The following ZSCAN10 variants were observed in gnomAD, a reference collection of about 807,000 sequenced individuals.
ZSCAN10 encodes the protein zinc finger and SCAN domain containing 10, also known as zinc finger and SCAN domain-containing protein 10.
ZSCAN10 carries 52 observed loss-of-function variants against 63.7 expected under a neutral mutation model. The ratio of observed to expected loss-of-function variants is 0.82; its 90% confidence interval spans 0.65 to 1.03. ZSCAN10 has a LOEUF of 1.03. Ranked by LOEUF, ZSCAN10 falls within the 50% of genes least tolerant of loss-of-function variation. The pLI, the probability that ZSCAN10 is intolerant of heterozygous loss-of-function variation, is 0.00. For missense variants in ZSCAN10, 1,223 were observed against 1,103.8 expected, an observed-to-expected ratio of 1.11 and a Z score of -1.53; for synonymous variants, 544 against 479.6, an observed-to-expected ratio of 1.13 and a Z score of -1.76.
intron 1 of ZSCAN10, among the ~76,000 whole-genome samples, chr16:3,094,253 A>C (rs920067218): frequency 6.6e-6 from 1 of 152,148 alleles, no homozygotes; most frequent in Non-Finnish European, 1.5e-5. Flanking sequence ...GGCTCAAGTG[A>C]TCCACCTGCC....
In ZSCAN10 at chr16:3,092,568, G is replaced by A. The variant is rs543656828; in HGVS notation, c.370C>T (p.Arg124Trp). The stretch of plus-strand genomic sequence containing the variant: ...AGCGGCCCCGCGTGGCTGGGCTCCC[G>A]GTGGATGCCCTCGAGCAGCAGCACC... ...EVVLLLEGIH[R>W]EPSHAGPLDF... The change falls in exon 2 of 6, where the codon CGG (arginine) becomes TGG (tryptophan). Residue 124 changes from arginine (R) to tryptophan (W), a missense_variant. Arg to Trp is a moderately radical substitution (Grantham distance 101, BLOSUM62 -3). Coordinates refer to ENST00000576985, the MANE Select transcript of ZSCAN10 (RefSeq NM_032805.3). 11 of 1,559,684 alleles carry A rather than the reference G, an allele frequency of 7.1e-6. No individual in the cohort carries two copies. Among genetic ancestry groups the A allele is most frequent in the Admixed American group, 5.7e-5 (3 of 52,208 alleles).
rs376077960 is a variant in ZSCAN10, at chr16:3,098,206, A to G, written c.-68+984T>C. Among the ~76,000 whole-genome samples, 3 of 152,150 alleles carry G rather than the reference A, an allele frequency of 2.0e-5. No individual in the cohort carries two copies. The East Asian group carries it at 5.8e-4, about 29-fold the overall frequency. Reference sequence around the variant, plus strand: ...TGCTCATCCATTGCCGTGCAGGAGCAGCGGGCAGGTACTGAGTGTCTGGCG... The same window carrying G: ...TGCTCATCCATTGCCGTGCAGGAGCGGCGGGCAGGTACTGAGTGTCTGGCG... On this transcript the variant is annotated intron_variant, in intron 1 of 5. Coordinates refer to ENST00000576985, the MANE Select transcript of ZSCAN10 (RefSeq NM_032805.3).
In ZSCAN10 at chr16:3,089,715, C is replaced by T. The variant is rs747884734; in HGVS notation, c.1719G>A (p.Thr573=). The part of the protein sequence containing the change: ...SQLVSHQRVH[T]GEKPYACPQC... ...GCGGACAGGCGTAGGGCTTCTCGCC[C>T]GTGTGCACCCGTTGGTGGCTGACCA... The change falls in exon 6 of 6, where the codon ACG becomes ACA. Residue 573 remains threonine, a synonymous_variant. Transcript: ENST00000576985. 26 of 1,603,874 alleles carry T rather than the reference C, an allele frequency of 1.6e-5. No homozygotes were observed. Among genetic ancestry groups the T allele is most frequent in the Non-Finnish European group, 2.0e-5 (24 of 1,178,828 alleles).
Position 3,092,783 on chromosome 16 carries a change from T to C in ZSCAN10, c.155A>G (p.Tyr52Cys), listed in dbSNP as rs1470448581. The change falls in exon 2 of 6, where the codon TAT becomes TGT. Residue 52 changes from tyrosine to cysteine, a missense_variant. Tyr to Cys is a radical substitution (Grantham distance 194, BLOSUM62 -2). Transcript: ENST00000576985. ...VAHQLFRCFQ[Y>C]QEDMGPRASL... ...CGCCCGTGGCCCCATGTCCTCCTGA[T>C]ACTGGAAGCATCTGAACAGCTGGTG... The C allele has an allele frequency of 1.9e-6, 3 of 1,593,684 alleles. No individual in the cohort carries two copies. The highest frequency in any genetic ancestry group is 2.3e-5 in the East Asian group (1 of 44,164).
At position 3,088,987 on chromosome 16, in the gene ZSCAN10, G is replaced by A; in HGVS notation, c.*104C>T. Reference sequence around the variant, plus strand: ...GGAAGGACAGCTGTGAAAGTGGAAGGAGAGGGAAGTGGGGTGTGGTGGGAA... The same window carrying A: ...GGAAGGACAGCTGTGAAAGTGGAAGAAGAGGGAAGTGGGGTGTGGTGGGAA... On this transcript the variant is annotated 3_prime_UTR_variant, in exon 6 of 6. Transcript: ENST00000576985. 1.4e-6 allele frequency: 2 copies of A among 1,381,114 alleles called. No homozygotes were observed. The highest frequency in any genetic ancestry group is 1.9e-6 in the Non-Finnish European group (2 of 1,074,874). The allele number at this position is 1,381,114 out of a possible 1,614,324, so 85.6% of individuals were successfully genotyped here.
chr16:3,096,406 T>G (rs1957154029), intron 1 of ZSCAN10: 1 of 152,264 alleles, frequency 6.6e-6, no homozygotes, highest in Admixed American at 6.6e-5. Flanking sequence ...GCACCCCAGG[T>G]AGGGGGATGT....
At chr16:3,096,554 C>T (rs927600605) in intron 1 of ZSCAN10, 9 of 152,214 alleles carry the variant, frequency 5.9e-5, no homozygotes, top group African/African-American at 1.7e-4. Flanking sequence ...CACCAAGCAC[C>T]GCAGCAAACA....
chr16:3,093,008 C>G lies in ZSCAN10; in HGVS notation c.-67-4G>C. Reference sequence around the variant, plus strand: ...TCTCTCTCCTCTCCTCCCACACCTGCGAAGGTGAACACCCTGGGTTAGGAT... The same window carrying G: ...TCTCTCTCCTCTCCTCCCACACCTGGGAAGGTGAACACCCTGGGTTAGGAT... On this transcript the variant is annotated splice_polypyrimidine_tract_variant and splice_region_variant and intron_variant, in intron 1 of 5. Coordinates refer to ENST00000576985, the MANE Select transcript of ZSCAN10 (RefSeq NM_032805.3). The G allele has an allele frequency of 7.3e-7, 1 of 1,371,862 alleles. No individual in the cohort carries two copies. Among genetic ancestry groups the G allele is most frequent in the Non-Finnish European group, 9.4e-7 (1 of 1,065,940 alleles). The allele number at this position is 1,371,862 out of a possible 1,614,324, so 85.0% of individuals were successfully genotyped here. A position where few individuals can be genotyped will look rare whatever the true frequency, so the allele number is the denominator to read the frequency against.
intron 1 of ZSCAN10, among the ~76,000 whole-genome samples, chr16:3,093,927 C>T (rs2151217401): frequency 6.6e-6 from 1 of 152,242 alleles, no homozygotes. Flanking sequence ...CTCAAGTGAT[C>T]AGCCCACCTC....
In ZSCAN10 at chr16:3,096,786, G is replaced by A. The variant is rs143229964; in HGVS notation, c.-68+2404C>T. Among the ~76,000 whole-genome samples the A allele has an allele frequency of 3.7e-3, 562 of 152,132 alleles. 3 individuals are homozygous for A. Among genetic ancestry groups the A allele is most frequent in the African/African-American group, 0.012 (505 of 41,470 alleles). The stretch of plus-strand genomic sequence containing the variant: ...TCTACTAAAATTACAAAAATTAGCC[G>A]GACGTGATGGCATGCGCCTGTAGTC... On this transcript the variant is annotated intron_variant, in intron 1 of 5. Coordinates refer to ENST00000576985, the MANE Select transcript of ZSCAN10 (RefSeq NM_032805.3).
At chr16:3,091,260 CATGAT>C in intron 5 of ZSCAN10, among the ~76,000 whole-genome samples, 2 of 151,596 alleles carry the variant, frequency 1.3e-5, no homozygotes, top group African/African-American at 4.9e-5. Context: ...TGCAGTGAGC[CATGAT>C]TGTGCCACAG....
At chr16:3,090,796 T>C in intron 5 of ZSCAN10, 150 bp from the exon 6 acceptor site, 1 of 968,918 alleles carries the variant, frequency 1.0e-6, no homozygotes, top group Non-Finnish European at 1.4e-6. Flanking sequence ...ACGCCTGTAA[T>C]TTCAGCACTT....
rs761990867 is a variant in ZSCAN10, at chr16:3,090,483, A to G, written c.951T>C (p.Pro317=). 6.2e-6 allele frequency: 10 copies of G among 1,613,454 alleles called. No individual in the cohort carries two copies. The South Asian group carries it at 1.1e-4, about 18-fold the overall frequency. The part of the protein sequence containing the change: ...SLGRGAAASG[P]GEDGSLLGSS... ...TGCCAAGAAGGGACCCATCTTCACC[A>G]GGGCCGCTAGCCGCAGCGCCCCGTC... The change falls in exon 6 of 6, where the codon CCT becomes CCC. Residue 317 remains proline (P), a synonymous_variant. Coordinates refer to ENST00000576985, the MANE Select transcript of ZSCAN10 (RefSeq NM_032805.3).
At chr16:3,094,480 G>C (rs1957129987) in intron 1 of ZSCAN10, among the ~76,000 whole-genome samples, 1 of 152,064 alleles carries the variant, frequency 6.6e-6, no homozygotes, top group South Asian at 2.1e-4. Context: ...TGAGTAGCTG[G>C]GATTACAAGC....
rs530432636 is a variant in ZSCAN10 at position 3,092,747 on chromosome 16, C to T, written c.191G>A (p.Arg64Gln). 2.0e-5 allele frequency: 33 copies of T among 1,611,618 alleles called. No homozygotes were observed. The highest frequency in any genetic ancestry group is 4.5e-5 in the East Asian group (2 of 44,774). Reference sequence around the variant, plus strand: ...CCAGTGGCCGCAGAGCTCCCGGAGCCGGCTCAGGGACGCCCGTGGCCCCAT... The same window carrying T: ...CCAGTGGCCGCAGAGCTCCCGGAGCTGGCTCAGGGACGCCCGTGGCCCCAT... ...EDMGPRASLS[R>Q]LRELCGHWLR... Residue 64 changes from arginine to glutamine, a missense_variant, in exon 2 of 6, where the codon CGG becomes CAG. By Grantham distance (43) the Arg-to-Gln change is conservative. Transcript: ENST00000576985.
rs115741921 is a variant in ZSCAN10, at chr16:3,091,647, C to A, written c.730-50G>T. 771 of 1,612,436 alleles carry A rather than the reference C, an allele frequency of 4.8e-4. 1 individual carries two copies. Among genetic ancestry groups the A allele is most frequent in the Non-Finnish European group, 3.3e-4 (393 of 1,178,534 alleles). On this transcript the variant is annotated intron_variant, in intron 4 of 5. Coordinates refer to ENST00000576985, the MANE Select transcript of ZSCAN10 (RefSeq NM_032805.3). Reference sequence around the variant, plus strand: ...GTGAGTGAGGAACATGCCTCAGGAACCTGTGGGGACTGAAATGCTTCCTAG... The same window carrying A: ...GTGAGTGAGGAACATGCCTCAGGAAACTGTGGGGACTGAAATGCTTCCTAG...
At chr16:3,091,671 A>G (rs1298697521) in intron 4 of ZSCAN10, 74 bp from the exon 5 acceptor site, 4 of 1,610,212 alleles carry the variant, frequency 2.5e-6, no homozygotes, top group African/African-American at 1.3e-5. Context: ...AATGCTTCCT[A>G]GGACTGAATC....
chr16:3,089,148 G>C lies in ZSCAN10; in HGVS notation c.2286C>G (p.Ser762Arg). 6.5e-7 allele frequency: 1 copy of C among 1,528,158 alleles called. No homozygotes were observed. Among genetic ancestry groups the C allele is most frequent in the South Asian group, 1.3e-5 (1 of 78,910 alleles). 94.7% of individuals were successfully genotyped at this position (1,528,158 alleles called of 1,614,324 possible). A position where few individuals can be genotyped will look rare whatever the true frequency, so the allele number is the denominator to read the frequency against. Residue 762 changes from serine (S) to arginine (R), a missense_variant, in exon 6 of 6, where the codon AGC becomes AGG. Physicochemically the swap from Ser to Arg is moderately radical, Grantham distance 110 (BLOSUM62 -1). Coordinates refer to ENST00000576985, the MANE Select transcript of ZSCAN10 (RefSeq NM_032805.3). ...GGTGGCGCAGCAGGTGGGAGTTGCG[G>C]CTGAAGCTGCGGCCACACTGCGTGC... ...YSCTQCGRSF[S>R]RNSHLLRHLR...
Position 3,090,467 on chromosome 16 carries a change from G to A in ZSCAN10, c.967C>T (p.Leu323Phe), listed in dbSNP as rs746738469. Residue 323 changes from leucine (L) to phenylalanine (F), a missense_variant, in exon 6 of 6, where the codon CTT (leucine) becomes TTT (phenylalanine). Physicochemically the swap from Leu to Phe is conservative, Grantham distance 22. Coordinates refer to ENST00000576985, the MANE Select transcript of ZSCAN10 (RefSeq NM_032805.3). ...AASGPGEDGS[L>F]LGSSEILEVK... ...TCCAAAATTTCACTGCTGCCAAGAA[G>A]GGACCCATCTTCACCAGGGCCGCTA... 2 of 1,613,844 alleles carry A rather than the reference G, an allele frequency of 1.2e-6. No homozygotes were observed. Among genetic ancestry groups the A allele is most frequent in the Non-Finnish European group, 1.7e-6 (2 of 1,179,968 alleles).
Sources: gnomAD v4.1 joint callset for allele counts (sites outside exome capture counted in the v4.1 genomes callset) on GRCh38, gnomAD v4.1.1 for gene constraint, MANE v1.5 for transcripts, NCBI Gene and HGNC (gene_info 2026-07-23, HGNC 2026-07-21) for gene names.